PTPRD: variants seen among roughly 807,000 people sequenced by gnomAD.
The protein encoded by PTPRD is protein tyrosine phosphatase receptor type D.
PTPRD carries 34 observed loss-of-function variants against 214.5 expected under a neutral mutation model. That is an observed-to-expected ratio of 0.16 (90% CI 0.12 to 0.21). The LOEUF is 0.21. Among genes scored for constraint, PTPRD ranks in the 10% least tolerant of loss-of-function variants. PTPRD has a pLI of 1.00. For missense variants in PTPRD, 2,545 were observed against 2,398.7 expected, an observed-to-expected ratio of 1.06 and a Z score of -1.27; for synonymous variants, 1,128 against 845.7, an observed-to-expected ratio of 1.33 and a Z score of -5.79.
chr9:9,165,214 G>A (rs2099900480), intron 10 of PTPRD, among the ~76,000 whole-genome samples: 1 of 152,142 alleles, frequency 6.6e-6, no homozygotes, highest in Non-Finnish European at 1.5e-5. Flanking sequence ...GTCTAATAAT[G>A]AAGACACATA....
chr9:9,357,199 T>C (rs899854067), intron 9 of PTPRD, among the ~76,000 whole-genome samples: 2 of 151,394 alleles, frequency 1.3e-5, no homozygotes, highest in African/African-American at 4.8e-5. Flanking sequence ...TCTGGTTTCA[T>C]AAATACTGTG....
intron 8 of PTPRD, among the ~76,000 whole-genome samples, chr9:9,438,789 T>C (rs1450912624): frequency 6.6e-6 from 1 of 152,202 alleles, no homozygotes; most frequent in African/African-American, 2.4e-5. Context: ...AAATAATTAA[T>C]GTATGTGAGT....
rs571218006 is a variant in PTPRD, at chr9:10,181,548, T to A, written c.-544-147758A>T. 2.6e-5 allele frequency among the ~76,000 whole-genome samples: 4 copies of A among 152,078 alleles called. No individual in the cohort carries two copies. In the South Asian group the frequency reaches 6.2e-4, roughly 24 times the overall value. On this transcript the variant is annotated intron_variant, in intron 3 of 45. Transcript: ENST00000381196. ...CACAAACACTAACTTTTTTTTTCAG[T>A]TAAAGATCATCAGTTGGTAAAACAA...
chr9:9,951,872 T>C lies in PTPRD; in HGVS notation c.-471-13262A>G, dbSNP rs115052938. On this transcript the variant is annotated intron_variant, in intron 4 of 45. Coordinates refer to ENST00000381196, the MANE Select transcript of PTPRD (RefSeq NM_002839.4). ...TAAGGTGGCGGAGCAATGTAAAGACTAATATGAAGAGAATTTATTGATACC... is the reference window on the plus strand; with the variant it reads ...TAAGGTGGCGGAGCAATGTAAAGACCAATATGAAGAGAATTTATTGATACC... Among the ~76,000 whole-genome samples the C allele has an allele frequency of 1.5e-3, 225 of 152,328 alleles. 1 individual carries two copies. Among genetic ancestry groups the C allele is most frequent in the African/African-American group, 5.3e-3 (220 of 41,582 alleles).
intron 2 of PTPRD, among the ~76,000 whole-genome samples, chr9:10,368,783 G>A (rs1417580983): frequency 6.6e-6 from 1 of 151,928 alleles, no homozygotes; most frequent in East Asian, 1.9e-4. Flanking sequence ...ACCTATTTTG[G>A]AATGCTAATG....
At chr9:9,306,900 C>G (rs1410944328) in intron 9 of PTPRD, among the ~76,000 whole-genome samples, 1 of 152,128 alleles carries the variant, frequency 6.6e-6, no homozygotes, top group Non-Finnish European at 1.5e-5. Context: ...ATTTGAATAT[C>G]TCAAAAGCAG....
intron 11 of PTPRD, among the ~76,000 whole-genome samples, chr9:8,906,969 C>A (rs558945944): frequency 1.8e-4 from 28 of 151,972 alleles, no homozygotes; most frequent in Non-Finnish European, 3.5e-4. Context: ...GCAAGGGGAA[C>A]CTGGAAGGGC....
intron 2 of PTPRD, among the ~76,000 whole-genome samples, chr9:10,500,405 T>G (rs1315109481): frequency 6.6e-6 from 1 of 151,894 alleles, no homozygotes; most frequent in Non-Finnish European, 1.5e-5. Flanking sequence ...TTGATTCTTT[T>G]GTTAATTTTT....
At chr9:10,534,389 A>C (rs2057242221) in intron 2 of PTPRD, among the ~76,000 whole-genome samples, 1 of 152,066 alleles carries the variant, frequency 6.6e-6, no homozygotes, top group Non-Finnish European at 1.5e-5. Context: ...AAAATATTTT[A>C]TTTAATTTAA....
At chr9:8,497,935 T>C (rs1396680254) in intron 25 of PTPRD, among the ~76,000 whole-genome samples, 1 of 152,220 alleles carries the variant, frequency 6.6e-6, no homozygotes, top group Admixed American at 6.5e-5. Flanking sequence ...CATATTGTTT[T>C]CTTTTCCATA....
intron 3 of PTPRD, among the ~76,000 whole-genome samples, chr9:10,310,782 G>A (rs1316708050): frequency 1.3e-5 from 2 of 152,070 alleles, no homozygotes; most frequent in Non-Finnish European, 2.9e-5. Flanking sequence ...ATAACAGACA[G>A]CTGTAGTGAA....
chr9:10,036,099 T>C (rs2097175939), intron 3 of PTPRD, among the ~76,000 whole-genome samples: 3 of 152,196 alleles, frequency 2.0e-5, no homozygotes. Flanking sequence ...CTGATACTTA[T>C]ACTGCATATC....
At chr9:9,813,989 T>C (rs779324285) in intron 5 of PTPRD, among the ~76,000 whole-genome samples, 1 of 152,126 alleles carries the variant, frequency 6.6e-6, no homozygotes, top group Non-Finnish European at 1.5e-5. Flanking sequence ...TGAAAGATGG[T>C]TCAACATATG....
intron 5 of PTPRD, chr9:9,799,305 A>G (rs559193417): frequency 6.6e-6 from 1 of 152,146 alleles, no homozygotes; most frequent in Admixed American, 6.5e-5. Flanking sequence ...TATAGAATGT[A>G]GCTCTTTAAA....
chr9:8,391,078 A>G (rs967678060), intron 36 of PTPRD, among the ~76,000 whole-genome samples: 2 of 152,154 alleles, frequency 1.3e-5, no homozygotes, highest in Admixed American at 6.6e-5. Context: ...AAGGTACACT[A>G]GAACTTGTGC....
intron 11 of PTPRD, among the ~76,000 whole-genome samples, chr9:8,807,176 A>C (rs2096703021): frequency 6.6e-6 from 1 of 152,034 alleles, no homozygotes; most frequent in Non-Finnish European, 1.5e-5. Context: ...GTTTCTAATA[A>C]AATACAAAAA....
chr9:8,924,585 C>T (rs1343499745), intron 11 of PTPRD, among the ~76,000 whole-genome samples: 1 of 152,088 alleles, frequency 6.6e-6, no homozygotes, highest in Admixed American at 6.6e-5. Context: ...CTTAGCATCT[C>T]CCCACCTCAC....
chr9:10,472,187 A>G (rs955201775), intron 2 of PTPRD, among the ~76,000 whole-genome samples: 14 of 152,162 alleles, frequency 9.2e-5, no homozygotes, highest in Non-Finnish European at 1.9e-4. Flanking sequence ...GTGTTAGAAT[A>G]AGTCTAGAGC....
chr9:10,594,035 A>G (rs2076097028), intron 2 of PTPRD, among the ~76,000 whole-genome samples: 1 of 151,938 alleles, frequency 6.6e-6, no homozygotes. Context: ...CTTTCTCGCT[A>G]TAAGAATAAC....
Sources: gnomAD v4.1 joint callset for allele counts (sites outside exome capture counted in the v4.1 genomes callset) on GRCh38, gnomAD v4.1.1 for gene constraint, MANE v1.5 for transcripts, NCBI Gene and HGNC (gene_info 2026-07-23, HGNC 2026-07-21) for gene names.